Variants in DNAH2 observed in about 807,000 individuals in gnomAD.
The protein encoded by DNAH2 is axonemal beta dynein heavy chain 2.
In DNAH2, 323 loss-of-function variants were observed where a neutral mutation model predicts 523.5. The ratio of observed to expected loss-of-function variants is 0.62; its 90% confidence interval spans 0.56 to 0.68. The LOEUF is 0.68. Among genes scored for constraint, DNAH2 ranks in the 30% least tolerant of loss-of-function variants. The probability of loss-of-function intolerance (pLI) is 0.00; values close to 1 mark genes in which losing one functional copy is unlikely to be tolerated. For missense variants in DNAH2, 4,907 were observed against 5,701.5 expected, an observed-to-expected ratio of 0.86 and a Z score of 4.49; for synonymous variants, 2,093 against 2,177.4, an observed-to-expected ratio of 0.96 and a Z score of 1.08.
Position 7,832,577 on chromosome 17 carries a change from A to G in DNAH2, c.12727-2A>G, listed in dbSNP as rs1363598617. The G allele has an allele frequency of 6.2e-7, 1 of 1,613,494 alleles. No individual in the cohort carries two copies. The highest frequency in any genetic ancestry group is 8.5e-7 in the Non-Finnish European group (1 of 1,179,732). On this transcript the variant is annotated splice_acceptor_variant, in intron 82 of 85. Transcript: ENST00000572933. LOFTEE classifies it high-confidence loss of function. This position sits in a 1 kb window ranked among gnomAD's most constrained non-coding sequence, Gnocchi z 4.3. ...GTGAATACACACGCACTCCTTCCCC[A>G]GGCATACCCCTCACAAAAGCCATTG...
intron 49 of DNAH2, among the ~76,000 whole-genome samples, chr17:7,796,045 A>ATT (rs377411281): frequency 2.3e-4 from 25 of 107,648 alleles, no homozygotes; most frequent in African/African-American, 6.6e-4. Flanking sequence ...TGAGTTTAGG[A>ATT]TTTTTTTTTT....
intron 15 of DNAH2, 117 bp from the exon 16 acceptor site, chr17:7,759,305 G>A (rs56044425): frequency 0.29 from 421,546 of 1,445,248 alleles, 67,875 homozygotes; most frequent in Non-Finnish European, 0.33. Flanking sequence ...CCAGGACTCA[G>A]CGTCCTGCGT....
rs1259654519 is a variant in DNAH2, at chr17:7,788,176, C to A, written c.6832C>A (p.Leu2278Met). ...GGACAACTGCAAGGAGCTGGTGCCCCTGCCCGAGTACAGCGGTATCACCTC... is the reference window on the plus strand; with the variant it reads ...GGACAACTGCAAGGAGCTGGTGCCCATGCCCGAGTACAGCGGTATCACCTC... ...KKDNCKELVP[L>M]PEYSGITSLC... The change falls in exon 44 of 86, where the codon CTG (leucine) becomes ATG (methionine). Residue 2278 changes from leucine (L) to methionine (M), a missense_variant. Leu to Met is a conservative substitution (Grantham distance 15). Around this residue, in one of 3 missense-constraint regions of DNAH2, gnomAD observed 2,806 missense variants for 3,190.8 expected, o/e 0.88. Coordinates refer to ENST00000572933, the MANE Select transcript of DNAH2 (RefSeq NM_020877.5). 1 of 1,613,502 alleles carries A rather than the reference C, an allele frequency of 6.2e-7. No individual in the cohort carries two copies. The highest frequency in any genetic ancestry group is 1.7e-5 in the Admixed American group (1 of 59,854).
At chr17:7,764,674 C>G (rs773832658) in intron 20 of DNAH2, among the ~76,000 whole-genome samples, 12 of 151,524 alleles carry the variant, frequency 7.9e-5, no homozygotes, top group Non-Finnish European at 1.6e-4. Context: ...GTTGCCCAGG[C>G]TGGTCTTAAA....
intron 46 of DNAH2, 76 bp from the exon 47 acceptor site, chr17:7,792,581 C>G: frequency 7.8e-7 from 1 of 1,279,992 alleles, no homozygotes; most frequent in South Asian, 1.3e-5. Context: ...ACAGTGGTGA[C>G]GTAGAGGGAA....
intron 12 of DNAH2, among the ~76,000 whole-genome samples, chr17:7,751,408 T>C (rs1430405652): frequency 6.6e-6 from 1 of 152,180 alleles, no homozygotes; most frequent in Non-Finnish European, 1.5e-5. Flanking sequence ...TTTTTTTTAA[T>C]TTTATTTTAA....
In DNAH2 at chr17:7,763,897, G is replaced by C. The variant is rs2076077386; in HGVS notation, c.3045G>C (p.Leu1015=). The C allele has an allele frequency of 1.2e-6, 2 of 1,614,022 alleles. No homozygotes were observed. Among genetic ancestry groups the C allele is most frequent in the African/African-American group, 2.7e-5 (2 of 74,916 alleles). ...ETVTNIQFVL[L]DCSHLKFSLV... is the part of the protein sequence containing the mutation. ...TCACCAACATCCAGTTTGTGCTGCT[G>C]GACTGTTCGCACCTCAAGTTCTCCC... Residue 1015 remains leucine (L), a synonymous_variant, in exon 19 of 86, where the codon CTG becomes CTC. Coordinates refer to ENST00000572933, the MANE Select transcript of DNAH2 (RefSeq NM_020877.5).
At chr17:7,775,577 C>T (rs552873999) in intron 30 of DNAH2, among the ~76,000 whole-genome samples, 2 of 151,242 alleles carry the variant, frequency 1.3e-5, no homozygotes, top group South Asian at 2.1e-4. Context: ...CCCAGCTACT[C>T]GGGAGGCTGA....
Position 7,787,927 on chromosome 17 carries a change from T to C in DNAH2, c.6671T>C (p.Met2224Thr). ...CCGGCCACTGTATCCCGCTGCGGGA[T>C]GGTCTACACTGACTACGCTGACCTG... is the stretch of plus-strand genomic sequence containing the variant. ...ASPATVSRCG[M>T]VYTDYADLGW... Residue 2224 changes from methionine to threonine, a missense_variant, in exon 43 of 86, where the codon ATG becomes ACG. Physicochemically the swap from Met to Thr is moderately conservative, Grantham distance 81. Transcript: ENST00000572933. 6.2e-7 allele frequency: 1 copy of C among 1,614,198 alleles called. No homozygotes were observed. Among genetic ancestry groups the C allele is most frequent in the Non-Finnish European group, 8.5e-7 (1 of 1,180,032 alleles).
chr17:7,753,335 G>A (rs144015392), intron 12 of DNAH2, among the ~76,000 whole-genome samples: 249 of 152,242 alleles, frequency 1.6e-3, no homozygotes, highest in Non-Finnish European at 2.6e-3. Flanking sequence ...GTTGCACAAC[G>A]AAGCCCAGAG....
Position 7,832,940 on chromosome 17 carries a change from T to G in DNAH2, c.12978+12T>G, listed in dbSNP as rs1295756228. The G allele has an allele frequency of 6.2e-7, 1 of 1,614,158 alleles. No homozygotes were observed. Among genetic ancestry groups the G allele is most frequent in the Non-Finnish European group, 8.5e-7 (1 of 1,180,016 alleles). On this transcript the variant is annotated intron_variant, in intron 84 of 85. Coordinates refer to ENST00000572933, the MANE Select transcript of DNAH2 (RefSeq NM_020877.5). This position sits in a 1 kb window ranked among gnomAD's most constrained non-coding sequence, Gnocchi z 4.3. Reference sequence around the variant, plus strand: ...TGTATCCCCCCAAGGTGGGAGCCAGTTGTGCTTGGGGCTCTGAGCAAAAGA... The same window carrying G: ...TGTATCCCCCCAAGGTGGGAGCCAGGTGTGCTTGGGGCTCTGAGCAAAAGA...
intron 4 of DNAH2, among the ~76,000 whole-genome samples, chr17:7,732,299 G>A (rs1328090223): frequency 6.6e-6 from 1 of 151,616 alleles, no homozygotes; most frequent in East Asian, 1.9e-4. Flanking sequence ...GCCAGGTGTG[G>A]TGGTACGGGC....
At position 7,807,635 on chromosome 17, in the gene DNAH2, T is replaced by G. The variant is rs750434486; in HGVS notation, c.9729+49T>G. On this transcript the variant is annotated intron_variant, in intron 63 of 85. Coordinates refer to ENST00000572933, the MANE Select transcript of DNAH2 (RefSeq NM_020877.5). This position sits in a 1 kb window ranked among gnomAD's most constrained non-coding sequence, Gnocchi z 5.6. The stretch of plus-strand genomic sequence containing the variant: ...CACGGAGGTCCCTCTCCCTGAGTTC[T>G]GGATTGCTTCATTAAGCATTTGTTT... 4.0e-6 allele frequency: 6 copies of G among 1,516,712 alleles called. No homozygotes were observed. The highest frequency in any genetic ancestry group is 5.4e-6 in the Non-Finnish European group (6 of 1,101,428). The allele number at this position is 1,516,712 out of a possible 1,614,324, so 94.0% of individuals were successfully genotyped here.
At chr17:7,801,505 G>GCGT in intron 56 of DNAH2, 73 bp from the exon 57 acceptor site, 3 of 1,595,272 alleles carry the variant, frequency 1.9e-6, no homozygotes, top group Non-Finnish European at 2.6e-6. Context: ...GTGAGTGGAT[G>GCGT]CGTGTTGGGA....
At chr17:7,735,055 T>A (rs984143936) in intron 7 of DNAH2, among the ~76,000 whole-genome samples, 6 of 152,138 alleles carry the variant, frequency 3.9e-5, no homozygotes, top group African/African-American at 1.2e-4. Flanking sequence ...GATAAATACC[T>A]TTTTTCTTTG....
chr17:7,777,365 G>C, intron 32 of DNAH2, 81 bp from the exon 33 acceptor site: 1 of 1,505,386 alleles, frequency 6.6e-7, no homozygotes, highest in African/African-American at 1.4e-5. Context: ...GGTTGGAAGC[G>C]GTGCTGGGTA....
chr17:7,741,590 C>T (rs2075353816), intron 11 of DNAH2, among the ~76,000 whole-genome samples: 1 of 151,896 alleles, frequency 6.6e-6, no homozygotes, highest in Non-Finnish European at 1.5e-5. Context: ...AGTCTCCTGA[C>T]CTCATGATCC....
In DNAH2 at chr17:7,779,438, G is replaced by C. The variant is rs376949611; in HGVS notation, c.5722+15G>C. The C allele has an allele frequency of 6.2e-7, 1 of 1,611,542 alleles. No individual in the cohort carries two copies. Among genetic ancestry groups the C allele is most frequent in the African/African-American group, 1.3e-5 (1 of 74,912 alleles). On this transcript the variant is annotated intron_variant, in intron 36 of 85. Transcript: ENST00000572933. ...CATGAATCCTGGTAGGTGGCAGGGA[G>C]TGGATGGGACTCCTGGGGTGGGAAG...
intron 58 of DNAH2, 50 bp from the exon 59 acceptor site, chr17:7,804,206 G>A (rs749254433): frequency 1.2e-5 from 19 of 1,596,900 alleles, no homozygotes; most frequent in African/African-American, 2.7e-5. Flanking sequence ...AGGACACCGC[G>A]CTTTCCGGAA....
Sources: gnomAD v4.1 joint callset for allele counts (sites outside exome capture counted in the v4.1 genomes callset) on GRCh38, gnomAD v4.1.1 for gene constraint, gnomAD v4.1.1 regional missense constraint, Gnocchi (gnomAD v3.1) non-coding constraint, MANE v1.5 for transcripts, NCBI Gene and HGNC (gene_info 2026-07-23, HGNC 2026-07-21) for gene names.